The following SPAG16 variants were observed in gnomAD, a reference collection of about 807,000 sequenced individuals.
The protein encoded by SPAG16 is sperm associated antigen 16.
Under a neutral mutation model 80.4 loss-of-function variants are expected in SPAG16, and 86 were observed. The ratio of observed to expected loss-of-function variants is 1.07; its 90% CI spans 0.90 to 1.28. The LOEUF (loss-of-function observed/expected upper bound fraction) is 1.28. Ranked by LOEUF, SPAG16 falls within the 50% of genes most tolerant of loss-of-function variation. The pLI, the probability that SPAG16 is intolerant of heterozygous loss-of-function variation, is 0.00. For missense variants in SPAG16, 870 were observed against 765.3 expected (o/e 1.14, Z -1.61); for synonymous variants, 294 against 265.9 (o/e 1.11, Z -1.03).
chr2:213,803,601 C>G (rs1425328639), intron 10 of SPAG16, among the ~76,000 whole-genome samples: 1 of 152,112 alleles, frequency 6.6e-6, no homozygotes, highest in African/African-American at 2.4e-5. Context: ...ATGAATAGTT[C>G]CAGGGCTCCC....
At chr2:214,290,359 G>T (rs1693705134) in intron 15 of SPAG16, among the ~76,000 whole-genome samples, 1 of 151,088 alleles carries the variant, frequency 6.6e-6, no homozygotes, top group Non-Finnish European at 1.5e-5. Flanking sequence ...GTGTTTTTTT[G>T]AATCTCTATG....
At chr2:213,859,178 CAAAAAAAAAAAAAAAAAAAAA>C (rs1165853142) in intron 10 of SPAG16, among the ~76,000 whole-genome samples, 43 of 9,378 alleles carry the variant, frequency 4.6e-3, no homozygotes, top group African/African-American at 0.019. Flanking sequence ...CACTCCGTCT[CAAAAAAAAAAAAAAAAAAAAA>C]AAAAAAAAAA....
chr2:213,988,621 A>G (rs1393299318), intron 12 of SPAG16, among the ~76,000 whole-genome samples: 1 of 152,048 alleles, frequency 6.6e-6, no homozygotes, highest in Non-Finnish European at 1.5e-5. Context: ...CACAGAAATC[A>G]GTCTTGTTTC....
chr2:213,958,050 G>C (rs2044236319), intron 12 of SPAG16, among the ~76,000 whole-genome samples: 1 of 152,144 alleles, frequency 6.6e-6, no homozygotes, highest in South Asian at 2.1e-4. Context: ...GGAACAGCAT[G>C]TCTTGCTGAG....
chr2:214,330,218 A>T (rs2126010352), intron 15 of SPAG16, among the ~76,000 whole-genome samples: 1 of 151,686 alleles, frequency 6.6e-6, no homozygotes, highest in South Asian at 2.1e-4. Context: ...TGGAGGTGGC[A>T]GTGAGCCGAG....
chr2:214,406,739 T>C (rs1702016567), intron 15 of SPAG16, among the ~76,000 whole-genome samples: 1 of 152,140 alleles, frequency 6.6e-6, no homozygotes, highest in South Asian at 2.1e-4. Flanking sequence ...AATTCTTGTC[T>C]TCAAAGCCAA....
intron 15 of SPAG16, among the ~76,000 whole-genome samples, chr2:214,310,620 C>T (rs1364665701): frequency 2.6e-5 from 4 of 152,132 alleles, no homozygotes; most frequent in African/African-American, 9.7e-5. Flanking sequence ...GTGGGATGCA[C>T]TGAGGTTTCC....
At chr2:213,419,292 G>A (rs1484839328) in intron 9 of SPAG16, among the ~76,000 whole-genome samples, 1 of 151,922 alleles carries the variant, frequency 6.6e-6, no homozygotes, top group East Asian at 1.9e-4. Context: ...CATTTCTCAG[G>A]ACCTTATGTT....
intron 13 of SPAG16, among the ~76,000 whole-genome samples, chr2:214,083,774 C>T (rs1559771297): frequency 1.3e-5 from 2 of 152,076 alleles, no homozygotes; most frequent in Non-Finnish European, 2.9e-5. Context: ...GTATATGAAA[C>T]TTGTCACTCA....
chr2:213,433,915 C>CTTTTTTT (rs33989475), intron 9 of SPAG16, among the ~76,000 whole-genome samples: 9 of 85,012 alleles, frequency 1.1e-4, no homozygotes, highest in African/African-American at 3.0e-4. Context: ...TTTTCTTTGT[C>CTTTTTTT]TTTTTTTTTT....
chr2:214,037,929 A>G (rs1357788798), intron 13 of SPAG16, among the ~76,000 whole-genome samples: 3 of 139,990 alleles, frequency 2.1e-5, no homozygotes, highest in Non-Finnish European at 3.1e-5. Flanking sequence ...AAGTCTTTCT[A>G]TTTAGCCTTT....
At chr2:214,100,884 A>C (rs2052968784) in intron 13 of SPAG16, among the ~76,000 whole-genome samples, 1 of 152,062 alleles carries the variant, frequency 6.6e-6, no homozygotes, top group African/African-American at 2.4e-5. Context: ...GTAGAAAGGC[A>C]TTTTAAAATC....
intron 8 of SPAG16, among the ~76,000 whole-genome samples, chr2:213,371,177 C>T (rs1000032604): frequency 4.6e-5 from 7 of 152,024 alleles, no homozygotes; most frequent in South Asian, 2.1e-4. Flanking sequence ...GGGAAGCCGA[C>T]GCAGGCGGAT....
intron 10 of SPAG16, among the ~76,000 whole-genome samples, chr2:213,496,339 G>GT (rs1200737840): frequency 2.6e-5 from 4 of 152,120 alleles, no homozygotes; most frequent in African/African-American, 9.7e-5. Flanking sequence ...GAAGAATAGA[G>GT]TGACCATTAA....
chr2:213,867,309 A>G (rs1241638548), intron 11 of SPAG16, among the ~76,000 whole-genome samples: 1 of 152,230 alleles, frequency 6.6e-6, no homozygotes, highest in Non-Finnish European at 1.5e-5. Flanking sequence ...GGATCAATGC[A>G]GGGAATGTGC....
intron 10 of SPAG16, among the ~76,000 whole-genome samples, chr2:213,839,670 G>T (rs939748261): frequency 6.6e-6 from 1 of 152,052 alleles, no homozygotes; most frequent in Non-Finnish European, 1.5e-5. Context: ...ATATTTCACA[G>T]CCTGGAATGT....
chr2:213,465,219 G>T (rs1446961792), intron 9 of SPAG16, among the ~76,000 whole-genome samples: 1 of 152,128 alleles, frequency 6.6e-6, no homozygotes, highest in Non-Finnish European at 1.5e-5. Flanking sequence ...ATCGAGGATT[G>T]CAAAAGCATA....
At chr2:213,589,290 A>G (rs1457606363) in intron 10 of SPAG16, among the ~76,000 whole-genome samples, 5 of 152,242 alleles carry the variant, frequency 3.3e-5, no homozygotes, top group East Asian at 1.9e-4. Flanking sequence ...ATTACTTTAT[A>G]TAACCAGAAG....
chr2:213,929,902 A>C (rs1437933426), intron 11 of SPAG16, 58 bp from the exon 12 acceptor site: 3 of 1,471,506 alleles, frequency 2.0e-6, no homozygotes, highest in Non-Finnish European at 2.8e-6. Context: ...AGAATGCAGT[A>C]TTCATAAAAA....
Sources: allele counts gnomAD v4.1 joint callset (sites outside exome capture counted in the v4.1 genomes callset), GRCh38; gene constraint gnomAD v4.1.1; transcripts MANE v1.5; gene names NCBI Gene and HGNC (gene_info 2026-07-23, HGNC 2026-07-21).